CCDC60: variants seen among roughly 807,000 people sequenced by gnomAD.
The protein encoded by CCDC60 is coiled-coil domain-containing protein 60.
A neutral mutation model predicts 63.5 loss-of-function variants in CCDC60; 54 were observed. The ratio of observed to expected loss-of-function variants is 0.85; its 90% CI spans 0.68 to 1.07. The LOEUF (loss-of-function observed/expected upper bound fraction) is 1.07. Among genes scored for constraint, CCDC60 ranks in the 50% least tolerant of loss-of-function variants. The probability of loss-of-function intolerance (pLI) is 0.00; values close to 1 mark genes in which losing one functional copy is unlikely to be tolerated. For synonymous variants in CCDC60, 206 were observed against 238.8 expected (o/e 0.86, Z 1.27); for missense variants, 651 against 684.3 (o/e 0.95, Z 0.54).
chr12:119,457,707 G>C (rs1282473626), intron 2 of CCDC60, among the ~76,000 whole-genome samples: 2 of 148,490 alleles, frequency 1.3e-5, no homozygotes, highest in African/African-American at 5.0e-5. Context: ...ATATTAACTT[G>C]GTGGTTGGCG....
At chr12:119,408,659 T>TA (rs974070105) in intron 1 of CCDC60, among the ~76,000 whole-genome samples, 3 of 151,616 alleles carry the variant, frequency 2.0e-5, no homozygotes, top group African/African-American at 4.8e-5. Context: ...CTGTCTCTAC[T>TA]AAAAAAAATA....
At chr12:119,418,232 C>A (rs544943540) in intron 1 of CCDC60, among the ~76,000 whole-genome samples, 1 of 151,676 alleles carries the variant, frequency 6.6e-6, no homozygotes, top group African/African-American at 2.4e-5. Context: ...TAAGCTGAGC[C>A]TCTTGAAAGT....
chr12:119,420,376 A>G lies in CCDC60; in HGVS notation c.91-8307A>G, dbSNP rs1431535715. On this transcript the variant is annotated intron_variant, in intron 1 of 13. Coordinates refer to ENST00000327554, the MANE Select transcript of CCDC60 (RefSeq NM_178499.5). The surrounding 1 kb of genome is among the most constrained non-coding windows in gnomAD (Gnocchi z 4.1). ...AATGGAGTATTATTCAGCTACAAAA[A>G]AAAGAGTGAGATCCAGTTATTTGCA... Among the ~76,000 whole-genome samples, 3 of 152,226 alleles carry G rather than the reference A, an allele frequency of 2.0e-5. No individual in the cohort carries two copies. Among genetic ancestry groups the G allele is most frequent in the Non-Finnish European group, 4.4e-5 (3 of 68,040 alleles).
chr12:119,428,634 A>C (rs375379067), intron 1 of CCDC60, 49 bp from the exon 2 acceptor site: 6 of 1,280,300 alleles, frequency 4.7e-6, no homozygotes, highest in Non-Finnish European at 5.6e-6. Context: ...TCCATTTGGA[A>C]GCATTGTATT....
At chr12:119,453,438 C>T (rs560022603) in intron 2 of CCDC60, among the ~76,000 whole-genome samples, 14 of 152,296 alleles carry the variant, frequency 9.2e-5, no homozygotes, top group Admixed American at 9.1e-4. Flanking sequence ...TCCAGCAAAG[C>T]AGAGGTTAAT....
At chr12:119,509,644 AATG>A (rs60115763) in intron 7 of CCDC60, among the ~76,000 whole-genome samples, 13,343 of 150,834 alleles carry the variant, frequency 0.088, 675 homozygotes, top group Middle Eastern at 0.12. Flanking sequence ...TTTTCTTTAG[AATG>A]ATGATGATGA....
intron 2 of CCDC60, among the ~76,000 whole-genome samples, chr12:119,432,173 G>T (rs1950240050): frequency 2.0e-5 from 3 of 152,184 alleles, no homozygotes; most frequent in Admixed American, 1.3e-4. Context: ...TTTTGAGGCT[G>T]ATGCCTTGGG....
Position 119,410,797 on chromosome 12 carries a change from CG to C in CCDC60, c.91-17884del, listed in dbSNP as rs1565994027. On this transcript the variant is annotated intron_variant, in intron 1 of 13. Coordinates refer to ENST00000327554, the MANE Select transcript of CCDC60 (RefSeq NM_178499.5). The surrounding 1 kb of genome is among the most constrained non-coding windows in gnomAD (Gnocchi z 4.0). ...TCGCTCTGTCACTCGGGCTGCAGTG[CG>C]GTGGCGCGATCTCAGCTCACTGCAG... is the stretch of plus-strand genomic sequence containing the variant. Among the ~76,000 whole-genome samples the C allele has an allele frequency of 6.6e-6, 1 of 152,150 alleles. No homozygotes were observed. Among genetic ancestry groups the C allele is most frequent in the African/African-American group, 2.4e-5 (1 of 41,394 alleles).
chr12:119,389,627 C>T (rs1206405541), intron 1 of CCDC60, among the ~76,000 whole-genome samples: 1 of 152,082 alleles, frequency 6.6e-6, no homozygotes, highest in Non-Finnish European at 1.5e-5. Flanking sequence ...CTGTAACATA[C>T]TAGACAGGCT....
chr12:119,464,380 C>T (rs994122852), intron 2 of CCDC60, among the ~76,000 whole-genome samples: 1 of 148,804 alleles, frequency 6.7e-6, no homozygotes, highest in African/African-American at 2.5e-5. Flanking sequence ...CCCTTCCTTC[C>T]TCCTTCCTTC....
chr12:119,512,361 A>T (rs145141203), intron 7 of CCDC60, among the ~76,000 whole-genome samples: 1 of 152,176 alleles, frequency 6.6e-6, no homozygotes, highest in Non-Finnish European at 1.5e-5. Flanking sequence ...CTGAGACCCC[A>T]TGTGCTAAGC....
intron 10 of CCDC60, 113 bp downstream of exon 10, chr12:119,523,114 G>A (rs973557490): frequency 5.6e-5 from 54 of 961,150 alleles, no homozygotes; most frequent in African/African-American, 2.9e-4. Flanking sequence ...CCCTAAAGCC[G>A]TAGATGATGC....
At chr12:119,524,206 G>A (rs554001131) in intron 11 of CCDC60, among the ~76,000 whole-genome samples, 2 of 152,248 alleles carry the variant, frequency 1.3e-5, no homozygotes, top group East Asian at 3.9e-4. Flanking sequence ...AAAAGTGCAT[G>A]CAAAGTCCCA....
At position 119,522,834 on chromosome 12, in the gene CCDC60, C is replaced by G. The variant is rs1952564933; in HGVS notation, c.1041-105C>G. 4 of 961,624 alleles carry G rather than the reference C, an allele frequency of 4.2e-6. No homozygotes were observed. In the Middle Eastern group the frequency reaches 6.2e-4, roughly 150 times the overall value. 59.6% of individuals were successfully genotyped at this position (961,624 alleles called of 1,614,324 possible). ...CTGGTGCCTTGATTAGAACCACCTC[C>G]CATGCCTGAATCCTGGAAGCTAGCA... On this transcript the variant is annotated intron_variant, in intron 9 of 13. Transcript: ENST00000327554.
chr12:119,461,021 TAGAG>T (rs1289562655), intron 2 of CCDC60, among the ~76,000 whole-genome samples: 5 of 151,952 alleles, frequency 3.3e-5, no homozygotes, highest in Middle Eastern at 3.2e-3. Context: ...AGCATGCAAA[TAGAG>T]AGAGAGAAAT....
At chr12:119,346,835 T>TC (rs1555230504) in intron 1 of CCDC60, among the ~76,000 whole-genome samples, 18 of 144,120 alleles carry the variant, frequency 1.2e-4, no homozygotes, top group African/African-American at 3.6e-4. Flanking sequence ...TTTCTTTCTT[T>TC]TTTTTTTGAG....
chr12:119,459,761 A>G (rs746166448), intron 2 of CCDC60, among the ~76,000 whole-genome samples: 13 of 152,024 alleles, frequency 8.6e-5, no homozygotes, highest in Non-Finnish European at 1.6e-4. Context: ...ATAAGCTTCA[A>G]CTCCCTGTGG....
chr12:119,507,515 TACATATATATACACATATATATAC>T (rs1177187503), intron 7 of CCDC60, among the ~76,000 whole-genome samples: 47 of 125,314 alleles, frequency 3.8e-4, no homozygotes, highest in Non-Finnish European at 1.6e-4. Context: ...CACATATATA[TACATATATATACACATATATATAC>T]ACATATATAT....
At chr12:119,480,003 C>T (rs1951269634) in intron 4 of CCDC60, among the ~76,000 whole-genome samples, 1 of 136,734 alleles carries the variant, frequency 7.3e-6, no homozygotes, top group Non-Finnish European at 1.5e-5. Flanking sequence ...CATACACACA[C>T]ACACACACAC....
Sources: gnomAD v4.1 joint callset for allele counts (sites outside exome capture counted in the v4.1 genomes callset) on GRCh38, gnomAD v4.1.1 for gene constraint, Gnocchi (gnomAD v3.1) non-coding constraint, MANE v1.5 for transcripts, NCBI Gene and HGNC (gene_info 2026-07-23, HGNC 2026-07-21) for gene names.